The following ATP2B1 variants were observed in gnomAD, a reference collection of about 807,000 sequenced individuals.
ATP2B1 encodes the protein ATPase plasma membrane Ca2+ transporting 1, also known as plasma membrane calcium-transporting ATPase 1.
ATP2B1 carries 14 observed loss-of-function variants against 124.2 expected under a neutral mutation model. That is an observed-to-expected ratio of 0.11 (90% CI 0.07 to 0.18). ATP2B1 has a LOEUF of 0.18. ATP2B1 is among the 10% of genes least tolerant of loss of function. ATP2B1 has a pLI of 1.00. For missense variants in ATP2B1, 763 were observed against 1,466.1 expected (o/e 0.52, Z 7.83); for synonymous variants, 449 against 492.4 (o/e 0.91, Z 1.17).
chr12:89,704,060 C>A (rs762212332), intron 1 of ATP2B1, among the ~76,000 whole-genome samples: 4 of 152,096 alleles, frequency 2.6e-5, no homozygotes, highest in Non-Finnish European at 5.9e-5. Flanking sequence ...GAACTAAAAC[C>A]TCCTCATTTG....
At chr12:89,666,546 C>T (rs1887338151) in intron 1 of ATP2B1, among the ~76,000 whole-genome samples, 1 of 152,138 alleles carries the variant, frequency 6.6e-6, no homozygotes, top group African/African-American at 2.4e-5. Context: ...CACTTGCCTC[C>T]CTAAAAATGC....
At chr12:89,624,150 A>T in intron 9 of ATP2B1, 33 bp downstream of exon 9, 1 of 1,592,302 alleles carries the variant, frequency 6.3e-7, no homozygotes, top group Non-Finnish European at 8.6e-7. Context: ...GGCTTTAAAC[A>T]TAACAACGTC....
At chr12:89,664,826 A>T (rs1323094837) in intron 1 of ATP2B1, among the ~76,000 whole-genome samples, 2 of 151,362 alleles carry the variant, frequency 1.3e-5, no homozygotes, top group Non-Finnish European at 2.9e-5. Context: ...TAAGCAAATT[A>T]CTTATGGTTC....
chr12:89,661,723 C>A (rs1335575457), intron 1 of ATP2B1, among the ~76,000 whole-genome samples: 1 of 152,144 alleles, frequency 6.6e-6, no homozygotes, highest in Non-Finnish European at 1.5e-5. Flanking sequence ...CTCAAGAGAT[C>A]TCCATTTTCA....
chr12:89,692,592 T>C (rs994996350), intron 1 of ATP2B1, among the ~76,000 whole-genome samples: 4 of 152,200 alleles, frequency 2.6e-5, no homozygotes, highest in East Asian at 1.9e-4. Context: ...ACAATAATCA[T>C]ACAAATGCTC....
chr12:89,628,529 A>G (rs1881315802), intron 6 of ATP2B1, among the ~76,000 whole-genome samples: 1 of 152,180 alleles, frequency 6.6e-6, no homozygotes, highest in South Asian at 2.1e-4. Flanking sequence ...ATACGAATGT[A>G]TAGAATAAGC....
chr12:89,706,868 A>T (rs1254059809), intron 1 of ATP2B1, among the ~76,000 whole-genome samples: 1 of 152,206 alleles, frequency 6.6e-6, no homozygotes, highest in Non-Finnish European at 1.5e-5. Flanking sequence ...AGATCTTTGC[A>T]GTTACACCCA....
chr12:89,600,966 T>C lies in ATP2B1; in HGVS notation c.3168+360A>G, dbSNP rs536504175. Among the ~76,000 whole-genome samples the C allele has an allele frequency of 2.0e-4, 31 of 152,294 alleles. No individual in the cohort carries two copies. In the East Asian group the frequency reaches 5.2e-3, roughly 26 times the overall value. On this transcript the variant is annotated intron_variant, in intron 19 of 20. Transcript: ENST00000428670. ...ACCCGGCCATGTATTTTTTACATTGTTGTAAAAAATTTTTTTCTGAAAATG... is the reference window on the plus strand; with the variant it reads ...ACCCGGCCATGTATTTTTTACATTGCTGTAAAAAATTTTTTTCTGAAAATG...
chr12:89,656,369 C>T (rs527261168), intron 1 of ATP2B1, among the ~76,000 whole-genome samples: 3 of 152,316 alleles, frequency 2.0e-5, no homozygotes, highest in Non-Finnish European at 4.4e-5. Context: ...TTATGATCCA[C>T]TCAGTATTAC....
chr12:89,643,160 G>GTATGTATATATGTA (rs1232891691), intron 2 of ATP2B1, among the ~76,000 whole-genome samples: 25 of 148,530 alleles, frequency 1.7e-4, no homozygotes, highest in African/African-American at 5.5e-4. Context: ...ATGTATATAT[G>GTATGTATATATGTA]TATGTATGTA....
intron 1 of ATP2B1, among the ~76,000 whole-genome samples, chr12:89,677,868 A>G (rs1484814737): frequency 2.0e-5 from 3 of 151,598 alleles, no homozygotes. Flanking sequence ...AGATGTTCAC[A>G]GAATGGGACA....
intron 7 of ATP2B1, among the ~76,000 whole-genome samples, chr12:89,627,327 A>C (rs1306336917): frequency 6.6e-6 from 1 of 151,898 alleles, no homozygotes; most frequent in African/African-American, 2.4e-5. Flanking sequence ...TGTATAAATA[A>C]ATTTCGTGTT....
chr12:89,610,335 C>A, intron 14 of ATP2B1, 86 bp downstream of exon 14: 1 of 1,117,876 alleles, frequency 8.9e-7, no homozygotes. Context: ...ATGACTCAAT[C>A]TAATATTCAG....
At chr12:89,619,013 T>A (rs1879486727) in intron 11 of ATP2B1, among the ~76,000 whole-genome samples, 1 of 152,052 alleles carries the variant, frequency 6.6e-6, no homozygotes, top group Admixed American at 6.5e-5. Flanking sequence ...ACTTCTTTAA[T>A]GAAATTAAAG....
chr12:89,707,858 C>T (rs1373567982), intron 1 of ATP2B1, among the ~76,000 whole-genome samples: 1 of 152,220 alleles, frequency 6.6e-6, no homozygotes, highest in African/African-American at 2.4e-5. Context: ...AGCACAGCCC[C>T]CACCCCACAC....
At chr12:89,646,526 T>C (rs1884474025) in intron 2 of ATP2B1, among the ~76,000 whole-genome samples, 1 of 152,114 alleles carries the variant, frequency 6.6e-6, no homozygotes, top group Non-Finnish European at 1.5e-5. Flanking sequence ...GTTCAGGTAG[T>C]ACCACAGAAG....
At chr12:89,707,098 C>G (rs139256663) in intron 1 of ATP2B1, among the ~76,000 whole-genome samples, 93 of 152,106 alleles carry the variant, frequency 6.1e-4, no homozygotes, top group African/African-American at 2.0e-3. Flanking sequence ...GAGGAGGACC[C>G]AAATGAAACG....
intron 7 of ATP2B1, among the ~76,000 whole-genome samples, chr12:89,627,185 C>T (rs1392851369): frequency 6.6e-6 from 1 of 152,074 alleles, no homozygotes; most frequent in Non-Finnish European, 1.5e-5. Context: ...TGAGCACTGA[C>T]ATGACACAAG....
At chr12:89,695,050 T>G (rs1336698100) in intron 1 of ATP2B1, among the ~76,000 whole-genome samples, 1 of 64,962 alleles carries the variant, frequency 1.5e-5, no homozygotes, top group Non-Finnish European at 3.9e-5. Flanking sequence ...AAGAGCAAGA[T>G]GCTGTTTCAA....
Sources: allele counts gnomAD v4.1 joint callset (sites outside exome capture counted in the v4.1 genomes callset), GRCh38; gene constraint gnomAD v4.1.1; transcripts MANE v1.5; gene names NCBI Gene and HGNC (gene_info 2026-07-23, HGNC 2026-07-21).